Variants in SDK1 observed in about 807,000 individuals in gnomAD.
SDK1 encodes the protein protein sidekick-1.
In SDK1, 157 loss-of-function variants were observed where a neutral mutation model predicts 245.5. That is an observed-to-expected ratio of 0.64 (90% CI 0.56 to 0.73). The LOEUF is 0.73. SDK1 is among the 30% of genes least tolerant of loss of function. SDK1 has a pLI of 0.00. For missense variants in SDK1, 3,583 were observed against 3,002.3 expected, an observed-to-expected ratio of 1.19 and a Z score of -4.52; for synonymous variants, 1,647 against 1,278.5, an observed-to-expected ratio of 1.29 and a Z score of -6.15.
intron 1 of SDK1, among the ~76,000 whole-genome samples, chr7:3,587,676 T>G (rs78367920): frequency 0.023 from 3,557 of 152,284 alleles, 148 homozygotes; most frequent in African/African-American, 0.082. Flanking sequence ...ATGCTGATCT[T>G]CTCCGGAAAT....
intron 19 of SDK1, among the ~76,000 whole-genome samples, chr7:4,065,913 A>C (rs1397579755): frequency 6.6e-6 from 1 of 151,966 alleles, no homozygotes; most frequent in East Asian, 1.9e-4. Context: ...ATACTCTTTC[A>C]GGACAACTGA....
chr7:4,222,484 G>T (rs1292198461), intron 40 of SDK1, among the ~76,000 whole-genome samples: 1 of 151,962 alleles, frequency 6.6e-6, no homozygotes, highest in Non-Finnish European at 1.5e-5. Context: ...TAGTAGAGAG[G>T]GGGTTTCACC....
chr7:3,500,794 A>C (rs375777428), intron 1 of SDK1, among the ~76,000 whole-genome samples: 55 of 150,542 alleles, frequency 3.7e-4, no homozygotes, highest in East Asian at 1.6e-3. Flanking sequence ...TGCCTCCTAT[A>C]CTAGTCCTCT....
At chr7:4,019,653 C>T (rs1424168476) in intron 17 of SDK1, among the ~76,000 whole-genome samples, 1 of 151,998 alleles carries the variant, frequency 6.6e-6, no homozygotes, top group Admixed American at 6.6e-5. Flanking sequence ...GTGGATAATG[C>T]TGCACGTGCA....
chr7:3,628,279 T>TC (rs1782180548), intron 2 of SDK1, among the ~76,000 whole-genome samples: 1 of 152,198 alleles, frequency 6.6e-6, no homozygotes, highest in South Asian at 2.1e-4. Flanking sequence ...TTGCATATTT[T>TC]CTTTCTTTCA....
chr7:3,334,816 G>A (rs1344284967), intron 1 of SDK1, among the ~76,000 whole-genome samples: 3 of 151,882 alleles, frequency 2.0e-5, no homozygotes, highest in Admixed American at 1.3e-4. Context: ...TCCAATGGTC[G>A]GTCATCTTAG....
intron 5 of SDK1, among the ~76,000 whole-genome samples, chr7:3,901,427 C>T (rs1056877259): frequency 3.3e-5 from 5 of 152,294 alleles, no homozygotes; most frequent in Middle Eastern, 3.4e-3. Flanking sequence ...ACCTTGTAAT[C>T]TGCCTGCCTT....
intron 1 of SDK1, among the ~76,000 whole-genome samples, chr7:3,442,166 G>A (rs906420615): frequency 1.3e-5 from 2 of 152,194 alleles, no homozygotes; most frequent in African/African-American, 4.8e-5. Flanking sequence ...CATTATTATT[G>A]GGAGCAGCCT....
rs1162291249 is a variant in SDK1, at chr7:3,880,430, A to T, written c.847+58847A>T. Among the ~76,000 whole-genome samples the T allele has an allele frequency of 2.0e-5, 3 of 151,986 alleles. No homozygotes were observed. The East Asian group carries it at 5.8e-4, about 29-fold the overall frequency. ...GGCGGGGGCCTTGGGTAGCCTCAGC[A>T]GCAGGAGCCCGGCCCGCGGCGCCAA... On this transcript the variant is annotated intron_variant, in intron 5 of 44. Transcript: ENST00000404826.
chr7:3,997,212 G>A (rs916490885), intron 14 of SDK1, among the ~76,000 whole-genome samples: 3 of 152,252 alleles, frequency 2.0e-5, no homozygotes, highest in African/African-American at 7.2e-5. Flanking sequence ...GGCTGGTGGC[G>A]GTTTTGTCCG....
Position 3,943,856 on chromosome 7 carries a change from C to T in SDK1, c.848-7067C>T, listed in dbSNP as rs530782568. 7.7e-4 allele frequency among the ~76,000 whole-genome samples: 117 copies of T among 152,132 alleles called. 1 individual carries two copies. Among genetic ancestry groups the T allele is most frequent in the Non-Finnish European group, 9.1e-4 (62 of 68,036 alleles). On this transcript the variant is annotated intron_variant, in intron 5 of 44. Coordinates refer to ENST00000404826, the MANE Select transcript of SDK1 (RefSeq NM_152744.4). ...AATTGACTAGGATTAGGCTTCATTT[C>T]CCTCTGCTGCGTGTTCTTTATTCCT...
intron 5 of SDK1, among the ~76,000 whole-genome samples, chr7:3,943,054 A>C (rs546109732): frequency 6.6e-6 from 1 of 152,320 alleles, no homozygotes; most frequent in African/African-American, 2.4e-5. Flanking sequence ...AAGTTTCAAG[A>C]GGCGTATTCG....
intron 4 of SDK1, among the ~76,000 whole-genome samples, chr7:3,721,847 G>T (rs1338379518): frequency 1.3e-5 from 2 of 152,154 alleles, no homozygotes; most frequent in Admixed American, 6.5e-5. Flanking sequence ...ACAACTTCAT[G>T]AACTGTCGGC....
intron 4 of SDK1, among the ~76,000 whole-genome samples, chr7:3,812,674 G>C (rs1161061372): frequency 6.6e-6 from 1 of 152,168 alleles, no homozygotes; most frequent in African/African-American, 2.4e-5. Flanking sequence ...CCTGCCTCTA[G>C]TTTCTTCCCT....
At chr7:3,727,689 C>G (rs1162706817) in intron 4 of SDK1, among the ~76,000 whole-genome samples, 1 of 152,068 alleles carries the variant, frequency 6.6e-6, no homozygotes, top group Non-Finnish European at 1.5e-5. Flanking sequence ...CGGGGTTTCA[C>G]CATGTTGGCC....
intron 1 of SDK1, among the ~76,000 whole-genome samples, chr7:3,459,459 C>A (rs1780770345): frequency 6.6e-6 from 1 of 152,128 alleles, no homozygotes; most frequent in African/African-American, 2.4e-5. Flanking sequence ...CATGAAGAAC[C>A]CAGTTTCTGC....
intron 38 of SDK1, among the ~76,000 whole-genome samples, chr7:4,216,234 G>A (rs947775884): frequency 1.3e-5 from 2 of 152,182 alleles, no homozygotes; most frequent in East Asian, 3.9e-4. Flanking sequence ...CCAAGGGCAG[G>A]GTGGTTGACA....
At chr7:3,912,050 C>T (rs1452963242) in intron 5 of SDK1, among the ~76,000 whole-genome samples, 3 of 152,132 alleles carry the variant, frequency 2.0e-5, no homozygotes, top group Non-Finnish European at 2.9e-5. Context: ...GCCCTGTTCA[C>T]TTAGAACAAA....
intron 1 of SDK1, among the ~76,000 whole-genome samples, chr7:3,586,577 C>T (rs1037819917): frequency 2.7e-5 from 4 of 149,752 alleles, no homozygotes; most frequent in African/African-American, 4.9e-5. Context: ...TTGTGGCGGG[C>T]GCCTGTAGTC....
Sources: allele counts gnomAD v4.1 joint callset (sites outside exome capture counted in the v4.1 genomes callset), GRCh38; gene constraint gnomAD v4.1.1; transcripts MANE v1.5; gene names NCBI Gene and HGNC (gene_info 2026-07-23, HGNC 2026-07-21).